Variants in CLTCL1 observed in about 807,000 individuals in gnomAD.
CLTCL1 encodes the protein clathrin heavy chain like 1.
Under a neutral mutation model 190.0 loss-of-function variants are expected in CLTCL1, and 159 were observed. The ratio of observed to expected loss-of-function variants is 0.84; its 90% CI spans 0.74 to 0.95. The LOEUF (loss-of-function observed/expected upper bound fraction) is 0.95. Ranked by LOEUF, CLTCL1 falls within the 40% of genes least tolerant of loss-of-function variation. The pLI is 0.00. For synonymous variants in CLTCL1, 752 were observed against 769.6 expected (o/e 0.98, Z 0.38); for missense variants, 1,878 against 2,033.4 (o/e 0.92, Z 1.47).
At chr22:19,270,309 G>A (rs1355310182) in intron 2 of CLTCL1, among the ~76,000 whole-genome samples, 6 of 152,104 alleles carry the variant, frequency 3.9e-5, no homozygotes, top group Non-Finnish European at 5.9e-5. Context: ...GCCTCGGGCC[G>A]GGAGTAGGAG....
chr22:19,250,441 C>A (rs1161713737), intron 3 of CLTCL1, among the ~76,000 whole-genome samples: 1 of 150,658 alleles, frequency 6.6e-6, no homozygotes, highest in Non-Finnish European at 1.5e-5. Context: ...TGGGCTCAAG[C>A]AATTCTCCTG....
intron 11 of CLTCL1, among the ~76,000 whole-genome samples, chr22:19,227,407 C>A (rs913908022): frequency 2.6e-5 from 4 of 151,274 alleles, no homozygotes; most frequent in Non-Finnish European, 5.9e-5. Context: ...TTCAGCCTCC[C>A]AAGCAGCTGG....
At chr22:19,281,556 AC>A (rs1555986728) in intron 1 of CLTCL1, among the ~76,000 whole-genome samples, 1 of 152,182 alleles carries the variant, frequency 6.6e-6, no homozygotes, top group African/African-American at 2.4e-5. Flanking sequence ...GTGATCGGAG[AC>A]GTAAGTAAAT....
chr22:19,277,591 A>G (rs2087561280), intron 1 of CLTCL1, among the ~76,000 whole-genome samples: 1 of 152,222 alleles, frequency 6.6e-6, no homozygotes, highest in Admixed American at 6.5e-5. Context: ...TTGCCAATTG[A>G]TATTGCCATT....
chr22:19,229,629 C>T (rs982263232), intron 11 of CLTCL1, among the ~76,000 whole-genome samples: 2 of 152,162 alleles, frequency 1.3e-5, no homozygotes, highest in Admixed American at 1.3e-4. Flanking sequence ...AGAAATGCTG[C>T]CCTAATTAGA....
At chr22:19,254,510 C>A (rs960723167) in intron 2 of CLTCL1, among the ~76,000 whole-genome samples, 1 of 152,200 alleles carries the variant, frequency 6.6e-6, no homozygotes, top group South Asian at 2.1e-4. Flanking sequence ...TCTACTGAAG[C>A]AAGCCTCTCT....
intron 16 of CLTCL1, 81 bp from the exon 17 acceptor site, chr22:19,221,692 TTTCCTG>T: frequency 3.2e-6 from 4 of 1,268,632 alleles, no homozygotes; most frequent in Admixed American, 5.0e-5. Context: ...CTGACAGATG[TTTCCTG>T]AAACAAAAAA....
chr22:19,222,160 A>G, intron 15 of CLTCL1, 67 bp from the exon 16 acceptor site: 1 of 1,557,572 alleles, frequency 6.4e-7, no homozygotes. Flanking sequence ...GCCTCCTACG[A>G]CGTGGACAGT....
At position 19,221,429 on chromosome 22, in the gene CLTCL1, TG is replaced by T; in HGVS notation, c.2743del (p.His915IlefsTer56). 1.9e-6 allele frequency: 3 copies of T among 1,565,266 alleles called. No individual in the cohort carries two copies. Among genetic ancestry groups the T allele is most frequent in the Non-Finnish European group, 2.6e-6 (3 of 1,154,400 alleles). On this transcript the variant is annotated frameshift_variant, in exon 17 of 33. Transcript: ENST00000427926. LOFTEE classifies it high-confidence loss of function. The stretch of plus-strand genomic sequence containing the variant: ...CCGCTCATAGGCAACACAGGCCAGA[TG>T]GGGGTCTCGCTTCTCACAGTAGCGG... Reference protein sequence around the residue: ...VGRYCEKRDPHLACVAYERGQ... With the variant: ...VGRYCEKRDPXLACVAYERGQ...
At chr22:19,258,275 G>T in intron 2 of CLTCL1, 2 of 354,034 alleles carry the variant, frequency 5.6e-6, no homozygotes, top group South Asian at 2.4e-5. Flanking sequence ...CAGATATCTG[G>T]GCCCAATATG....
chr22:19,183,723 C>T (rs765069867), intron 29 of CLTCL1, 112 bp from the exon 30 acceptor site: 256 of 1,025,618 alleles, frequency 2.5e-4, no homozygotes, highest in Non-Finnish European at 3.2e-4. Context: ...GGACTTCCTG[C>T]GCTGTGGAGC....
rs1048413409 is a variant in CLTCL1 at position 19,208,980 on chromosome 22, A to G, written c.3384T>C (p.Tyr1128=). The G allele has an allele frequency of 6.2e-7, 1 of 1,612,002 alleles. No individual in the cohort carries two copies. Among genetic ancestry groups the G allele is most frequent in the Non-Finnish European group, 8.5e-7 (1 of 1,179,170 alleles). Residue 1128 remains tyrosine (Y), a synonymous_variant, in exon 21 of 33, where the codon TAT becomes TAC. Transcript: ENST00000427926. ...AAGAGGAAGGGTCGTCCCCTCTGATATAGGAGTTGATGGCTTCCTTCACCA... is the reference window on the plus strand; with the variant it reads ...AAGAGGAAGGGTCGTCCCCTCTGATGTAGGAGTTGATGGCTTCCTTCACCA... ...KDLVKEAINS[Y]IRGDDPSSYL... is the part of the protein sequence containing the mutation.
chr22:19,290,712 G>A (rs2088080444), intron 1 of CLTCL1, among the ~76,000 whole-genome samples: 1 of 152,198 alleles, frequency 6.6e-6, no homozygotes, highest in Admixed American at 6.5e-5. Flanking sequence ...GAACTTTCAA[G>A]CAAGCACGTT....
intron 4 of CLTCL1, among the ~76,000 whole-genome samples, chr22:19,241,749 T>G (rs2086260028): frequency 6.6e-6 from 1 of 152,174 alleles, no homozygotes; most frequent in Non-Finnish European, 1.5e-5. Flanking sequence ...ATGGCAGCCC[T>G]GCCGAGCAGC....
At chr22:19,234,476 C>T in intron 7 of CLTCL1, 33 bp downstream of exon 7, 1 of 1,559,694 alleles carries the variant, frequency 6.4e-7, no homozygotes, top group Non-Finnish European at 8.7e-7. Context: ...TCTTAACACT[C>T]AGAACACTTG....
chr22:19,252,154 T>C (rs902222802), intron 3 of CLTCL1, among the ~76,000 whole-genome samples: 2 of 152,236 alleles, frequency 1.3e-5, no homozygotes, highest in Non-Finnish European at 2.9e-5. Flanking sequence ...TTCCTGTATC[T>C]GCCTTTCAAC....
At chr22:19,180,347 C>T in intron 31 of CLTCL1, 109 bp from the exon 32 acceptor site, 1 of 1,211,142 alleles carries the variant, frequency 8.3e-7, no homozygotes, top group Non-Finnish European at 1.2e-6. Context: ...TGTGTTTGCC[C>T]CACAGTGTCC....
At chr22:19,276,709 G>T (rs979841833) in intron 1 of CLTCL1, among the ~76,000 whole-genome samples, 1 of 152,188 alleles carries the variant, frequency 6.6e-6, no homozygotes, top group East Asian at 1.9e-4. Flanking sequence ...TCGCTCTGTT[G>T]CCCAGGCTGG....
intron 1 of CLTCL1, among the ~76,000 whole-genome samples, 182 bp downstream of exon 1, chr22:19,291,418 G>A (rs1396372691): frequency 6.6e-6 from 1 of 152,136 alleles, no homozygotes; most frequent in Non-Finnish European, 1.5e-5. Context: ...GCACCCAAGC[G>A]GGTCCTCAGG....
Sources: gnomAD v4.1 joint callset for allele counts (sites outside exome capture counted in the v4.1 genomes callset) on GRCh38, gnomAD v4.1.1 for gene constraint, MANE v1.5 for transcripts, NCBI Gene and HGNC (gene_info 2026-07-23, HGNC 2026-07-21) for gene names.